DPY19L1: variants seen among roughly 807,000 people sequenced by gnomAD.
DPY19L1 encodes protein C-mannosyl-transferase DPY19L1.
DPY19L1 carries 35 observed loss-of-function variants against 96.9 expected under a neutral mutation model. The observed-to-expected ratio is 0.36, with a 90% CI of 0.28 to 0.48. The LOEUF (loss-of-function observed/expected upper bound fraction) is 0.48, where lower values mean the gene tolerates loss of function less well. Among genes scored for constraint, DPY19L1 ranks in the 20% least tolerant of loss-of-function variants. The pLI is 0.99. For synonymous variants in DPY19L1, 205 were observed against 252.6 expected (o/e 0.81, Z 1.79); for missense variants, 521 against 777.9 (o/e 0.67, Z 3.93).
chr7:34,976,866 A>T (rs1033930947), intron 7 of DPY19L1, among the ~76,000 whole-genome samples: 6 of 151,944 alleles, frequency 3.9e-5, no homozygotes, highest in African/African-American at 1.5e-4. Flanking sequence ...TCACTGCAAC[A>T]TCCACCTCCT....
chr7:34,959,433 T>G (rs1230458439), intron 10 of DPY19L1, among the ~76,000 whole-genome samples: 3 of 152,338 alleles, frequency 2.0e-5, no homozygotes, highest in Middle Eastern at 3.4e-3. Context: ...ATTGCAGCAC[T>G]GTTCACAATA....
intron 3 of DPY19L1, among the ~76,000 whole-genome samples, chr7:35,016,685 A>G (rs1785855255): frequency 6.6e-6 from 1 of 152,206 alleles, no homozygotes; most frequent in Non-Finnish European, 1.5e-5. Context: ...AGACAACCAG[A>G]TATGATGTGC....
chr7:34,972,358 G>A (rs1184179595), intron 8 of DPY19L1, among the ~76,000 whole-genome samples: 2 of 152,202 alleles, frequency 1.3e-5, no homozygotes, highest in Non-Finnish European at 1.5e-5. Flanking sequence ...ATGGACTAAA[G>A]GAAGCAGCGC....
intron 1 of DPY19L1, among the ~76,000 whole-genome samples, chr7:35,030,911 T>G (rs1373414387): frequency 6.6e-6 from 1 of 152,132 alleles, no homozygotes; most frequent in African/African-American, 2.4e-5. Flanking sequence ...ATAGACGTAA[T>G]TTTTACTAGC....
chr7:34,941,468 CAAAA>C (rs1288856766), intron 18 of DPY19L1, among the ~76,000 whole-genome samples: 2 of 152,060 alleles, frequency 1.3e-5, no homozygotes, highest in Non-Finnish European at 1.5e-5. Context: ...AATGTCAAAA[CAAAA>C]AAAGTTATTA....
chr7:34,946,214 C>T (rs747194967), intron 15 of DPY19L1, among the ~76,000 whole-genome samples: 3 of 152,174 alleles, frequency 2.0e-5, no homozygotes, highest in African/African-American at 7.2e-5. Flanking sequence ...AATCTAAAAT[C>T]GTATCTCCAG....
intron 4 of DPY19L1, among the ~76,000 whole-genome samples, chr7:35,011,712 C>G (rs1785716662): frequency 6.6e-6 from 1 of 152,116 alleles, no homozygotes. Context: ...AGCTCTACAA[C>G]TCTACTAAGA....
intron 1 of DPY19L1, among the ~76,000 whole-genome samples, chr7:35,023,178 C>T (rs974370339): frequency 4.6e-5 from 7 of 152,162 alleles, no homozygotes; most frequent in Non-Finnish European, 7.4e-5. Flanking sequence ...TTCCATCTCC[C>T]ACCAGCACCC....
chr7:35,027,120 C>CT (rs1249651259), intron 1 of DPY19L1, among the ~76,000 whole-genome samples: 1 of 152,036 alleles, frequency 6.6e-6, no homozygotes, highest in Non-Finnish European at 1.5e-5. Context: ...AGAAGAAACG[C>CT]TTGAATCCAG....
intron 6 of DPY19L1, among the ~76,000 whole-genome samples, chr7:35,007,088 T>C: frequency 6.6e-6 from 1 of 152,154 alleles, no homozygotes; most frequent in Non-Finnish European, 1.5e-5. Flanking sequence ...AAGAAAATAT[T>C]AAGAACTAAC....
chr7:34,960,836 C>A (rs1372316771), intron 10 of DPY19L1, among the ~76,000 whole-genome samples: 2 of 152,028 alleles, frequency 1.3e-5, no homozygotes, highest in African/African-American at 4.8e-5. Context: ...TTATCATATA[C>A]CTTTATAATA....
chr7:35,013,742 G>A (rs763491959), intron 3 of DPY19L1, 37 bp from the exon 4 acceptor site: 1 of 1,514,540 alleles, frequency 6.6e-7, no homozygotes, highest in South Asian at 1.3e-5. Context: ...ATAACAAAAG[G>A]TACATAATTA....
At chr7:34,966,519 T>C (rs768208339) in intron 10 of DPY19L1, among the ~76,000 whole-genome samples, 7 of 152,166 alleles carry the variant, frequency 4.6e-5, no homozygotes, top group Non-Finnish European at 8.8e-5. Context: ...TTCAAACTCC[T>C]GGCGTCAAGT....
At chr7:34,992,488 C>T (rs170622) in intron 6 of DPY19L1, among the ~76,000 whole-genome samples, 37,754 of 151,294 alleles carry the variant, frequency 0.25, 5,229 homozygotes, top group Admixed American at 0.38. Flanking sequence ...CTTATTTTTC[C>T]TGTTCAGTAC....
At chr7:35,021,141 G>A (rs113851362) in intron 1 of DPY19L1, among the ~76,000 whole-genome samples, 9 of 152,094 alleles carry the variant, frequency 5.9e-5, no homozygotes, top group African/African-American at 2.2e-4. Context: ...CTGGTAAATG[G>A]GGGCACTCTT....
intron 6 of DPY19L1, among the ~76,000 whole-genome samples, chr7:35,001,616 A>C (rs894046948): frequency 6.6e-6 from 1 of 152,136 alleles, no homozygotes; most frequent in African/African-American, 2.4e-5. Context: ...TTTCTTTTAC[A>C]TTTAAAGGCA....
chr7:34,991,234 TG>T (rs1785162053), intron 6 of DPY19L1, among the ~76,000 whole-genome samples: 2 of 152,282 alleles, frequency 1.3e-5, no homozygotes, highest in African/African-American at 4.8e-5. Flanking sequence ...GAGTGGTAAC[TG>T]GGGAAAACAC....
intron 6 of DPY19L1, among the ~76,000 whole-genome samples, chr7:34,999,364 T>C (rs1785369905): frequency 6.6e-6 from 1 of 152,168 alleles, no homozygotes; most frequent in Non-Finnish European, 1.5e-5. Context: ...AAACCAGTAA[T>C]TGAGTACAAA....
chr7:35,038,003 G>T, upstream of DPY19L1: 1 of 984,820 alleles, frequency 1.0e-6, no homozygotes. Flanking sequence ...GCGAGACGCG[G>T]CGGGGCAGGG....
Sources: allele counts gnomAD v4.1 joint callset (sites outside exome capture counted in the v4.1 genomes callset), GRCh38; gene constraint gnomAD v4.1.1; transcripts MANE v1.5; gene names NCBI Gene and HGNC (gene_info 2026-07-23, HGNC 2026-07-21).